DSCAM: variants seen among roughly 807,000 people sequenced by gnomAD.
The protein encoded by DSCAM is cell adhesion molecule DSCAM.
Under a neutral mutation model 217.7 loss-of-function variants are expected in DSCAM, and 47 were observed. That is an observed-to-expected ratio of 0.22 (90% CI 0.17 to 0.28). The LOEUF is 0.28. Among genes scored for constraint, DSCAM ranks in the 10% least tolerant of loss-of-function variants. The probability of loss-of-function intolerance (pLI) is 1.00; values close to 1 mark genes in which losing one functional copy is unlikely to be tolerated. For synonymous variants in DSCAM, 1,056 were observed against 1,015.3 expected (o/e 1.04, Z -0.76); for missense variants, 2,080 against 2,618.3 (o/e 0.79, Z 4.49).
chr21:40,504,339 TGGCCACGG>T (rs1305950433), intron 3 of DSCAM, among the ~76,000 whole-genome samples: 1 of 152,168 alleles, frequency 6.6e-6, no homozygotes, highest in African/African-American at 2.4e-5. Flanking sequence ...GCAATGGTGA[TGGCCACGG>T]GGCACACAGC....
At chr21:40,833,569 C>T (rs2092029646) in intron 1 of DSCAM, among the ~76,000 whole-genome samples, 1 of 152,212 alleles carries the variant, frequency 6.6e-6, no homozygotes, top group South Asian at 2.1e-4. Context: ...AACCCAGGAA[C>T]ACCCTGAGCA....
At chr21:40,325,315 C>T (rs1314151659) in intron 8 of DSCAM, among the ~76,000 whole-genome samples, 1 of 152,094 alleles carries the variant, frequency 6.6e-6, no homozygotes, top group African/African-American at 2.4e-5. Flanking sequence ...ATTGGGATAA[C>T]TGACTCGATA....
intron 3 of DSCAM, among the ~76,000 whole-genome samples, chr21:40,598,661 C>T (rs1373134902): frequency 6.6e-6 from 1 of 151,870 alleles, no homozygotes; most frequent in Non-Finnish European, 1.5e-5. Flanking sequence ...CACGCCATGA[C>T]ACCCGGCTAA....
chr21:40,499,133 G>A (rs922350790), intron 3 of DSCAM, among the ~76,000 whole-genome samples: 3 of 151,974 alleles, frequency 2.0e-5, no homozygotes, highest in African/African-American at 7.2e-5. Context: ...ACCTAAGCTA[G>A]AAACAGACTA....
chr21:40,783,378 G>A (rs1410865002), intron 1 of DSCAM, among the ~76,000 whole-genome samples: 1 of 152,156 alleles, frequency 6.6e-6, no homozygotes, highest in Admixed American at 6.5e-5. Context: ...AGCCAGGGAT[G>A]GGGAGAAATT....
chr21:40,077,719 G>C (rs980027813), intron 26 of DSCAM, among the ~76,000 whole-genome samples: 1 of 152,166 alleles, frequency 6.6e-6, no homozygotes, highest in Non-Finnish European at 1.5e-5. Context: ...CACTTCCAAC[G>C]TGGTCTTGGC....
chr21:40,221,277 G>A (rs892514535), intron 11 of DSCAM, among the ~76,000 whole-genome samples: 2 of 151,528 alleles, frequency 1.3e-5, no homozygotes, highest in Non-Finnish European at 2.9e-5. Context: ...GCCTGCAGAG[G>A]GCATTACAAT....
intron 3 of DSCAM, among the ~76,000 whole-genome samples, chr21:40,374,577 T>C (rs1223912001): frequency 6.6e-6 from 1 of 152,262 alleles, no homozygotes; most frequent in Non-Finnish European, 1.5e-5. Flanking sequence ...TATTTTTGTA[T>C]ACCCCAGTGA....
chr21:40,202,658 C>T (rs1416480780), intron 11 of DSCAM, among the ~76,000 whole-genome samples: 2 of 152,246 alleles, frequency 1.3e-5, no homozygotes, highest in African/African-American at 2.4e-5. Flanking sequence ...TGGGCCAACG[C>T]CCAGTATTTT....
At chr21:40,666,553 C>T (rs989895222) in intron 3 of DSCAM, among the ~76,000 whole-genome samples, 2 of 152,232 alleles carry the variant, frequency 1.3e-5, no homozygotes, top group East Asian at 1.9e-4. Context: ...TGGGCAATGG[C>T]TGCTTCTGCT....
intron 14 of DSCAM, among the ~76,000 whole-genome samples, chr21:40,185,423 C>T (rs2090882890): frequency 6.6e-6 from 1 of 152,168 alleles, no homozygotes; most frequent in South Asian, 2.1e-4. Flanking sequence ...AGGCTGGGTC[C>T]CAAATCACTG....
At chr21:40,170,174 G>A (rs1441718400) in intron 15 of DSCAM, among the ~76,000 whole-genome samples, 2 of 152,168 alleles carry the variant, frequency 1.3e-5, no homozygotes, top group African/African-American at 4.8e-5. Flanking sequence ...TTTCCCTGGG[G>A]CTTTCTTCTC....
intron 3 of DSCAM, among the ~76,000 whole-genome samples, chr21:40,657,930 T>C (rs1233900226): frequency 6.6e-6 from 1 of 152,096 alleles, no homozygotes; most frequent in Non-Finnish European, 1.5e-5. Flanking sequence ...TTTACAAAAG[T>C]AAATAAAATA....
chr21:40,455,377 GA>G (rs1225411768), intron 3 of DSCAM, among the ~76,000 whole-genome samples: 2 of 151,680 alleles, frequency 1.3e-5, no homozygotes, highest in African/African-American at 2.4e-5. Context: ...ATACTTGAAA[GA>G]AAAAAAGGGA....
At chr21:40,633,809 G>A (rs1415203503) in intron 3 of DSCAM, among the ~76,000 whole-genome samples, 2 of 152,146 alleles carry the variant, frequency 1.3e-5, no homozygotes, top group Non-Finnish European at 2.9e-5. Flanking sequence ...TAAGATGCTT[G>A]GATGTGTGTA....
chr21:40,325,133 T>C (rs1197994803), intron 8 of DSCAM, among the ~76,000 whole-genome samples: 1 of 152,172 alleles, frequency 6.6e-6, no homozygotes, highest in East Asian at 1.9e-4. Context: ...TGGTTAATAA[T>C]AACTGACTTG....
rs192356980 is a variant in DSCAM at position 40,674,790 on chromosome 21, G to T, written c.508+18020C>A. 7.1e-4 allele frequency among the ~76,000 whole-genome samples: 108 copies of T among 151,862 alleles called. 2 individuals carry two copies. The East Asian group carries it at 9.3e-3, about 13-fold the overall frequency. On this transcript the variant is annotated intron_variant, in intron 3 of 32. Coordinates refer to ENST00000400454, the MANE Select transcript of DSCAM (RefSeq NM_001389.5). ...TGGGACTACAGGCGCCTGCCACCAC[G>T]CCCGGCTAATCTTTTGTATTTTAGT...
In DSCAM at chr21:40,340,985, T is replaced by A. The variant is rs191823418; in HGVS notation, c.1211-1570A>T. On this transcript the variant is annotated intron_variant, in intron 6 of 32. Transcript: ENST00000400454. ...TGCTGCAGCTCTTCCCTCCACCCCC[T>A]ACTCCTTTCCAAATTCCTGAATCTC... Among the ~76,000 whole-genome samples the A allele has an allele frequency of 5.0e-4, 76 of 152,218 alleles. 1 individual carries two copies. The highest frequency in any genetic ancestry group is 4.5e-3 in the Admixed American group (69 of 15,296).
chr21:40,031,783 G>A (rs966259783), intron 32 of DSCAM, among the ~76,000 whole-genome samples: 1 of 152,134 alleles, frequency 6.6e-6, no homozygotes. Context: ...TGGCACCAGG[G>A]CCTAAGGCAT....
Sources: allele counts gnomAD v4.1 joint callset (sites outside exome capture counted in the v4.1 genomes callset), GRCh38; gene constraint gnomAD v4.1.1; transcripts MANE v1.5; gene names NCBI Gene and HGNC (gene_info 2026-07-23, HGNC 2026-07-21).